The following NAALADL2 variants were observed in gnomAD, a reference collection of about 807,000 sequenced individuals.
The protein encoded by NAALADL2 is N-acetylated alpha-linked acidic dipeptidase like 2.
In NAALADL2, 76 loss-of-function variants were observed where a neutral mutation model predicts 87.2. That is an observed-to-expected ratio of 0.87 (90% CI 0.72 to 1.05). The LOEUF is 1.05. Ranked by LOEUF, NAALADL2 falls within the 50% of genes least tolerant of loss-of-function variation. NAALADL2 has a pLI of 0.00. For missense variants in NAALADL2, 1,089 were observed against 945.8 expected (o/e 1.15, Z -1.99); for synonymous variants, 354 against 331.0 (o/e 1.07, Z -0.75).
chr3:174,980,452 A>T (rs994297291), intron 1 of NAALADL2, among the ~76,000 whole-genome samples: 1 of 152,154 alleles, frequency 6.6e-6, no homozygotes, highest in African/African-American at 2.4e-5. Context: ...GTCTGCTATG[A>T]TCAAGCCTGT....
intron 1 of NAALADL2, among the ~76,000 whole-genome samples, chr3:174,949,471 C>T (rs1739998639): frequency 6.6e-6 from 1 of 152,088 alleles, no homozygotes; most frequent in Non-Finnish European, 1.5e-5. Flanking sequence ...GATATTGTTG[C>T]AGCCATCATT....
Position 174,997,109 on chromosome 3 carries a change from T to A in NAALADL2, c.44-99681T>A, listed in dbSNP as rs192970681. ...TCCATGAGCACTTAGATTGGTTTCA[T>A]AGCTTTGCAATTGAGAATTGTGCAG... On this transcript the variant is annotated intron_variant, in intron 1 of 13. Transcript: ENST00000454872. 2.9e-3 allele frequency among the ~76,000 whole-genome samples: 435 copies of A among 151,658 alleles called. 4 individuals are homozygous for A. Among genetic ancestry groups the A allele is most frequent in the African/African-American group, 0.01 (416 of 41,326 alleles).
intron 2 of NAALADL2, among the ~76,000 whole-genome samples, chr3:174,711,410 T>C (rs1730618312): frequency 6.6e-6 from 1 of 152,224 alleles, no homozygotes; most frequent in South Asian, 2.1e-4. Flanking sequence ...ACTAACTCCA[T>C]AATAACAGGA....
At chr3:174,771,044 C>T (rs1349878824) in intron 3 of NAALADL2, among the ~76,000 whole-genome samples, 1 of 152,020 alleles carries the variant, frequency 6.6e-6, no homozygotes, top group East Asian at 1.9e-4. Flanking sequence ...AATTAATATA[C>T]AAATTATGAA....
At chr3:175,573,124 A>T (rs562206739) in intron 9 of NAALADL2, among the ~76,000 whole-genome samples, 1 of 152,288 alleles carries the variant, frequency 6.6e-6, no homozygotes, top group African/African-American at 2.4e-5. Flanking sequence ...AGAATTTGAC[A>T]TTGTTAATTT....
chr3:175,063,805 G>A (rs1423615580), intron 1 of NAALADL2, among the ~76,000 whole-genome samples: 1 of 152,034 alleles, frequency 6.6e-6, no homozygotes, highest in Admixed American at 6.5e-5. Context: ...GGAAGGATTT[G>A]TTCCTCAAGC....
At chr3:175,408,359 A>G (rs1272520613) in intron 5 of NAALADL2, among the ~76,000 whole-genome samples, 1 of 152,118 alleles carries the variant, frequency 6.6e-6, no homozygotes, top group African/African-American at 2.4e-5. Flanking sequence ...ATGCACAACA[A>G]AAATCAAAAC....
chr3:174,707,474 G>T (rs1213516741), intron 2 of NAALADL2, among the ~76,000 whole-genome samples: 1 of 151,996 alleles, frequency 6.6e-6, no homozygotes, highest in Non-Finnish European at 1.5e-5. Context: ...CCATAAAAAA[G>T]GATGAGTTCA....
intron 2 of NAALADL2, among the ~76,000 whole-genome samples, chr3:174,553,585 T>A (rs1482347437): frequency 6.6e-6 from 1 of 152,210 alleles, no homozygotes; most frequent in African/African-American, 2.4e-5. Flanking sequence ...CATGTCTTAA[T>A]TCATTCCACT....
intron 13 of NAALADL2, among the ~76,000 whole-genome samples, chr3:175,769,793 A>G (rs1281805023): frequency 6.6e-6 from 1 of 152,082 alleles, no homozygotes; most frequent in Admixed American, 6.6e-5. Context: ...ACTGGTTCAT[A>G]TGAATGAGGA....
rs992015486 is a variant in NAALADL2 at position 174,808,783 on chromosome 3, A to G, written c.-9+71037A>G. On this transcript the variant is annotated intron_variant, in intron 3 of 3. Transcript: ENST00000434257. ...CAACTTTCCAAAATTATATTTATCC[A>G]TATTTTCAATTAAAAAAAATGTGTG... 7.2e-5 allele frequency among the ~76,000 whole-genome samples: 11 copies of G among 151,938 alleles called. No individual in the cohort carries two copies. In the South Asian group the frequency reaches 2.1e-3, roughly 29 times the overall value.
chr3:174,986,396 G>C (rs899951168), intron 1 of NAALADL2, among the ~76,000 whole-genome samples: 3 of 150,426 alleles, frequency 2.0e-5, no homozygotes, highest in African/African-American at 7.3e-5. Context: ...TATATTTTAT[G>C]TTTGTATATG....
intron 1 of NAALADL2, among the ~76,000 whole-genome samples, chr3:174,486,821 G>A (rs536077130): frequency 3.3e-5 from 5 of 151,998 alleles, no homozygotes; most frequent in African/African-American, 4.8e-5. Context: ...GACATTAGAT[G>A]TTCTGTCCAT....
chr3:175,219,365 T>G (rs1478450254), intron 2 of NAALADL2, among the ~76,000 whole-genome samples: 1 of 152,142 alleles, frequency 6.6e-6, no homozygotes, highest in African/African-American at 2.4e-5. Flanking sequence ...CCTTAAATCT[T>G]TTTGCCATTT....
chr3:175,412,278 G>A (rs888860713), intron 5 of NAALADL2, among the ~76,000 whole-genome samples: 1 of 152,186 alleles, frequency 6.6e-6, no homozygotes, highest in Non-Finnish European at 1.5e-5. Flanking sequence ...CACGCGTATA[G>A]TTTGTGTGTG....
intron 1 of NAALADL2, among the ~76,000 whole-genome samples, chr3:174,447,746 C>T (rs1037502032): frequency 4.0e-5 from 6 of 149,998 alleles, no homozygotes; most frequent in African/African-American, 1.5e-4. Flanking sequence ...ACCTGGAAGG[C>T]GGAGCTTTCA....
intron 4 of NAALADL2, among the ~76,000 whole-genome samples, chr3:175,322,796 T>C (rs1423626550): frequency 0.041 from 6,091 of 147,332 alleles, 429 homozygotes; most frequent in African/African-American, 0.15. Flanking sequence ...AGATACCATC[T>C]CACACCAGTT....
chr3:174,746,840 T>C (rs1007079410), intron 3 of NAALADL2, among the ~76,000 whole-genome samples: 2 of 152,156 alleles, frequency 1.3e-5, no homozygotes, highest in African/African-American at 2.4e-5. Flanking sequence ...GGATTCCCTA[T>C]TTAATAAATT....
chr3:175,727,875 T>C (rs1743143470), intron 11 of NAALADL2, among the ~76,000 whole-genome samples: 2 of 152,146 alleles, frequency 1.3e-5, no homozygotes, highest in Non-Finnish European at 2.9e-5. Context: ...ATTCAGGTGT[T>C]GGGATGTTTC....
Sources: allele counts gnomAD v4.1 joint callset (sites outside exome capture counted in the v4.1 genomes callset), GRCh38; gene constraint gnomAD v4.1.1; transcripts MANE v1.5; gene names NCBI Gene and HGNC (gene_info 2026-07-23, HGNC 2026-07-21).